Variants in SNX7 observed in about 807,000 individuals in gnomAD.
The protein encoded by SNX7 is sorting nexin 7, also known as sorting nexin-7.
In SNX7, 35 loss-of-function variants were observed where a neutral mutation model predicts 48.4. The observed-to-expected ratio is 0.72, with a 90% CI of 0.55 to 0.96. The LOEUF is 0.96. Among genes scored for constraint, SNX7 ranks in the 40% least tolerant of loss-of-function variants. The probability of loss-of-function intolerance (pLI) is 0.00; values close to 1 mark genes in which losing one functional copy is unlikely to be tolerated. For missense variants in SNX7, 553 were observed against 548.9 expected (o/e 1.01, Z -0.07); for synonymous variants, 190 against 190.2 (o/e 1.00, Z 0.01).
intron 5 of SNX7, among the ~76,000 whole-genome samples, chr1:98,697,568 A>G (rs1421970182): frequency 1.3e-5 from 2 of 152,182 alleles, no homozygotes; most frequent in African/African-American, 4.8e-5. Flanking sequence ...TTTTGAATAC[A>G]TAGCGTATCA....
chr1:98,685,115 G>T, intron 2 of SNX7, 48 bp downstream of exon 2: 1 of 1,174,762 alleles, frequency 8.5e-7, no homozygotes, highest in East Asian at 2.6e-5. Context: ...TTTTTTTTAA[G>T]CTTTGGAAGT....
chr1:98,712,188 A>G (rs1033254692), intron 7 of SNX7, among the ~76,000 whole-genome samples: 3 of 152,098 alleles, frequency 2.0e-5, no homozygotes, highest in Non-Finnish European at 4.4e-5. Flanking sequence ...CCAAATTCCT[A>G]TAAATGTTAA....
At chr1:98,749,053 T>G (rs1469542514) in intron 8 of SNX7, among the ~76,000 whole-genome samples, 1 of 152,198 alleles carries the variant, frequency 6.6e-6, no homozygotes, top group Non-Finnish European at 1.5e-5. Flanking sequence ...TGTCTAGCAT[T>G]AAACTGGATA....
intron 1 of SNX7, among the ~76,000 whole-genome samples, chr1:98,679,410 T>C (rs534093980): frequency 6.6e-6 from 1 of 152,124 alleles, no homozygotes; most frequent in South Asian, 2.1e-4. Flanking sequence ...ACTCCACCCC[T>C]GGCGCCTCCC....
intron 6 of SNX7, among the ~76,000 whole-genome samples, chr1:98,700,010 G>A (rs999767664): frequency 2.0e-5 from 3 of 152,106 alleles, no homozygotes; most frequent in Admixed American, 6.5e-5. Context: ...TCTTCAAGAA[G>A]ATCAGATTTG....
intron 8 of SNX7, among the ~76,000 whole-genome samples, chr1:98,739,820 A>C (rs985165294): frequency 2.0e-5 from 3 of 152,204 alleles, no homozygotes; most frequent in Admixed American, 1.3e-4. Flanking sequence ...TTGAATTGAA[A>C]GATTAGGCTG....
chr1:98,679,916 T>C (rs1180105615), intron 1 of SNX7, among the ~76,000 whole-genome samples: 3 of 152,204 alleles, frequency 2.0e-5, no homozygotes, highest in Non-Finnish European at 2.9e-5. Context: ...TCTACCATTC[T>C]GGGGCCTGGA....
chr1:98,703,128 G>C (rs1202093023), intron 7 of SNX7, among the ~76,000 whole-genome samples: 1 of 151,878 alleles, frequency 6.6e-6, no homozygotes, highest in Non-Finnish European at 1.5e-5. Flanking sequence ...TCACTGGAGT[G>C]CTCCCAGGCC....
intron 7 of SNX7, among the ~76,000 whole-genome samples, chr1:98,722,639 AT>A (rs917967527): frequency 9.0e-4 from 137 of 151,650 alleles, no homozygotes; most frequent in African/African-American, 2.1e-3. Context: ...TGAATGGTTG[AT>A]TTTTTTTTCC....
chr1:98,731,566 A>T (rs1027777791), intron 7 of SNX7, among the ~76,000 whole-genome samples: 6 of 152,106 alleles, frequency 3.9e-5, no homozygotes, highest in African/African-American at 1.4e-4. Context: ...TTCTGAAAAA[A>T]TTTGTTTTTA....
At chr1:98,740,036 G>A (rs1160715859) in intron 8 of SNX7, among the ~76,000 whole-genome samples, 1 of 152,116 alleles carries the variant, frequency 6.6e-6, no homozygotes, top group Admixed American at 6.5e-5. Flanking sequence ...GGAGTTTCAT[G>A]TTAGTGGGCT....
At chr1:98,688,794 T>C (rs1650948989) in intron 2 of SNX7, among the ~76,000 whole-genome samples, 1 of 152,228 alleles carries the variant, frequency 6.6e-6, no homozygotes, top group Non-Finnish European at 1.5e-5. Context: ...TTATTTATAC[T>C]CCAAATGCAC....
intron 7 of SNX7, among the ~76,000 whole-genome samples, chr1:98,736,884 A>G (rs531883769): frequency 6.6e-6 from 1 of 152,322 alleles, no homozygotes; most frequent in South Asian, 2.1e-4. Flanking sequence ...GGCCTCTCAC[A>G]AATACTTTGT....
intron 1 of SNX7, among the ~76,000 whole-genome samples, chr1:98,673,275 T>G (rs896456408): frequency 6.6e-6 from 1 of 152,210 alleles, no homozygotes; most frequent in African/African-American, 2.4e-5. Flanking sequence ...TCCTCAAATA[T>G]TCTTCCTGCC....
intron 8 of SNX7, among the ~76,000 whole-genome samples, chr1:98,748,275 T>C (rs1417336447): frequency 6.6e-6 from 1 of 152,058 alleles, no homozygotes; most frequent in Non-Finnish European, 1.5e-5. Flanking sequence ...TGTGAGCCAC[T>C]GCACCCAGCT....
At chr1:98,698,564 G>C in intron 5 of SNX7, 142 bp from the exon 6 acceptor site, 1 of 734,892 alleles carries the variant, frequency 1.4e-6, no homozygotes, top group Non-Finnish European at 2.2e-6. Flanking sequence ...ATTTAATGAA[G>C]GATGATATCC....
chr1:98,739,188 G>A (rs947186521), intron 8 of SNX7, among the ~76,000 whole-genome samples: 7 of 152,024 alleles, frequency 4.6e-5, no homozygotes, highest in Admixed American at 2.0e-4. Context: ...TCACAATAGC[G>A]TTCACACTCT....
At chr1:98,753,224 G>A (rs894691760) in intron 8 of SNX7, among the ~76,000 whole-genome samples, 1 of 152,034 alleles carries the variant, frequency 6.6e-6, no homozygotes, top group Non-Finnish European at 1.5e-5. Flanking sequence ...TCCTATGTCA[G>A]TTGTTCTATA....
chr1:98,744,773 A>G (rs1001579373), intron 8 of SNX7, among the ~76,000 whole-genome samples: 3 of 152,044 alleles, frequency 2.0e-5, no homozygotes, highest in Non-Finnish European at 2.9e-5. Context: ...TTGCTGCAAA[A>G]AAGAGATGGC....
Sources: allele counts gnomAD v4.1 joint callset (sites outside exome capture counted in the v4.1 genomes callset), GRCh38; gene constraint gnomAD v4.1.1; transcripts MANE v1.5; gene names NCBI Gene and HGNC (gene_info 2026-07-23, HGNC 2026-07-21).